Variants in ATG7 observed in about 807,000 individuals in gnomAD.
ATG7 encodes the protein ubiquitin-like modifier-activating enzyme ATG7.
A neutral mutation model predicts 82.4 loss-of-function variants in ATG7; 70 were observed. That is an observed-to-expected ratio of 0.85 (90% CI 0.70 to 1.04). The LOEUF (loss-of-function observed/expected upper bound fraction) is 1.04. Ranked by LOEUF, ATG7 falls within the 50% of genes least tolerant of loss-of-function variation. The probability of loss-of-function intolerance (pLI) is 0.00; values close to 1 mark genes in which losing one functional copy is unlikely to be tolerated. For missense variants in ATG7, 792 were observed against 864.3 expected, an observed-to-expected ratio of 0.92 and a Z score of 1.05; for synonymous variants, 287 against 313.0, an observed-to-expected ratio of 0.92 and a Z score of 0.88.
intron 20 of ATG7, among the ~76,000 whole-genome samples, chr3:11,443,631 C>A (rs2084216320): frequency 6.6e-6 from 1 of 152,184 alleles, no homozygotes; most frequent in Non-Finnish European, 1.5e-5. Flanking sequence ...AAATGATCCA[C>A]CTGCCTCAGC....
chr3:11,373,010 ATTGTTTTGT>A (rs2077142798), intron 18 of ATG7, among the ~76,000 whole-genome samples: 1 of 151,208 alleles, frequency 6.6e-6, no homozygotes, highest in Non-Finnish European at 1.5e-5. Flanking sequence ...AGTATGGGTT[ATTGTTTTGT>A]TTGTTTTGTC....
At chr3:11,281,625 T>TTACC (rs1466869606) in intron 2 of ATG7, among the ~76,000 whole-genome samples, 1 of 151,768 alleles carries the variant, frequency 6.6e-6, no homozygotes, top group Non-Finnish European at 1.5e-5. Context: ...ATACAAAAAA[T>TTACC]TACCTGGGCG....
At chr3:11,345,772 A>AT (rs1282650187) in intron 13 of ATG7, among the ~76,000 whole-genome samples, 2 of 151,452 alleles carry the variant, frequency 1.3e-5, no homozygotes, top group South Asian at 2.1e-4. Context: ...ATCTTTATTA[A>AT]TTTTTTCCTC....
chr3:11,559,405 G>A (rs1213258096), downstream of ATG7: 6 of 1,562,898 alleles, frequency 3.8e-6, no homozygotes, highest in Non-Finnish European at 4.3e-6. Flanking sequence ...AGTGCGAGAG[G>A]TTGCAGTTGC....
chr3:11,406,450 C>A (rs770387191), intron 19 of ATG7, among the ~76,000 whole-genome samples: 5 of 152,020 alleles, frequency 3.3e-5, no homozygotes, highest in Non-Finnish European at 5.9e-5. Flanking sequence ...AGATTACAAG[C>A]ACCTGCTACT....
chr3:11,413,273 C>G (rs896807238), intron 19 of ATG7, among the ~76,000 whole-genome samples: 1 of 152,124 alleles, frequency 6.6e-6, no homozygotes, highest in African/African-American at 2.4e-5. Context: ...TTCCTTCTTT[C>G]ATCACTGTGT....
rs2089494881 is a variant in ATG7, at chr3:11,485,311, A to C, written c.2079+58385A>C. ...AGCCAGTGATGTTGAGCATTTTTTC[A>C]TGTGTTTTTTGGCTGCATAAATGTC... On this transcript the variant is annotated intron_variant, in intron 20 of 20. Transcript: ENST00000693202. Among the ~76,000 whole-genome samples, 3 of 151,964 alleles carry C rather than the reference A, an allele frequency of 2.0e-5. No individual in the cohort carries two copies. The South Asian group carries it at 6.2e-4, about 31-fold the overall frequency.
At chr3:11,281,554 C>G (rs772617598) in intron 2 of ATG7, among the ~76,000 whole-genome samples, 2 of 152,108 alleles carry the variant, frequency 1.3e-5, no homozygotes, top group East Asian at 3.9e-4. Context: ...AGGTGGATCA[C>G]CTGAGGTCAG....
chr3:11,511,669 C>G lies in ATG7; in HGVS notation c.2080-43142C>G, dbSNP rs57425282. Among the ~76,000 whole-genome samples the G allele has an allele frequency of 2.8e-3, 427 of 152,254 alleles. 4 individuals are homozygous for G. The highest frequency in any genetic ancestry group is 3.9e-3 in the Non-Finnish European group (265 of 68,008). On this transcript the variant is annotated intron_variant, in intron 20 of 20. Transcript: ENST00000693202. The stretch of plus-strand genomic sequence containing the variant: ...GGGGTGGTGCTCGTCGGGGAGGCTC[C>G]GGCCGCACAGGAGCCCATGGCGGGG...
chr3:11,475,714 C>T (rs192980260), intron 20 of ATG7, among the ~76,000 whole-genome samples: 28 of 152,244 alleles, frequency 1.8e-4, no homozygotes, highest in African/African-American at 5.3e-4. Flanking sequence ...AAAAATGTCC[C>T]AGTGTCAGAA....
intron 14 of ATG7, 98 bp from the exon 15 acceptor site, chr3:11,358,320 T>G (rs574861442): frequency 9.7e-6 from 12 of 1,237,118 alleles, no homozygotes; most frequent in Non-Finnish European, 1.3e-5. Flanking sequence ...CTCATGTATG[T>G]GAACACAAGT....
In ATG7 at chr3:11,319,518, A is replaced by G. The variant is rs1335728598; in HGVS notation, c.678+4025A>G. Among the ~76,000 whole-genome samples the G allele has an allele frequency of 4.6e-5, 7 of 152,148 alleles. No homozygotes were observed. The East Asian group carries it at 9.6e-4, about 21-fold the overall frequency. On this transcript the variant is annotated intron_variant, in intron 9 of 20. Transcript: ENST00000693202. ...CTTCAACCTGTTTCTCTTCTGGGTT[A>G]TCTCATTGTGCCTACAACTCCAGAA...
At chr3:11,569,057 A>C in the ATG7 span, 1 of 494,716 alleles carries the variant, frequency 2.0e-6, no homozygotes. Flanking sequence ...GAAACCAAGA[A>C]TGTCCATAAC....
chr3:11,277,935 A>T (rs915135052), intron 1 of ATG7, among the ~76,000 whole-genome samples: 1 of 123,692 alleles, frequency 8.1e-6, no homozygotes, highest in African/African-American at 3.0e-5. Context: ...CCAGGGTCTT[A>T]ATTATTAATA....
intron 19 of ATG7, among the ~76,000 whole-genome samples, chr3:11,418,985 C>T (rs1209841052): frequency 6.6e-6 from 1 of 152,014 alleles, no homozygotes; most frequent in African/African-American, 2.4e-5. Context: ...GATCCAGTCA[C>T]CGCCCACCAG....
At chr3:11,347,408 A>T (rs868256779) in intron 13 of ATG7, among the ~76,000 whole-genome samples, 1 of 152,230 alleles carries the variant, frequency 6.6e-6, no homozygotes, top group African/African-American at 2.4e-5. Context: ...ATGTTCTAAA[A>T]TATCATACAG....
At chr3:11,384,180 C>T (rs1210705454) in intron 19 of ATG7, among the ~76,000 whole-genome samples, 1 of 152,192 alleles carries the variant, frequency 6.6e-6, no homozygotes, top group African/African-American at 2.4e-5. Flanking sequence ...TTCAGACCTG[C>T]AGAGTCAGGA....
Position 11,554,961 on chromosome 3 carries a change from G to GGT in ATG7, c.*119_*120dup. On this transcript the variant is annotated 3_prime_UTR_variant, in exon 21 of 21. Transcript: ENST00000693202. ...TCTGGGCCCCTCCTCCATACCCCGA[G>GGT]GTCTGGGATTCCCCCCTCTGCTGCC... The GGT allele has an allele frequency of 7.6e-7, 1 of 1,316,060 alleles. No homozygotes were observed. The highest frequency in any genetic ancestry group is 1.0e-6 in the Non-Finnish European group (1 of 973,518). The allele number at this position is 1,316,060 out of a possible 1,614,324, so 81.5% of individuals were successfully genotyped here.
downstream of ATG7, among the ~76,000 whole-genome samples, chr3:11,561,248 G>A (rs994261502): frequency 6.6e-6 from 1 of 152,188 alleles, no homozygotes; most frequent in Non-Finnish European, 1.5e-5. Context: ...GCACAGGGAG[G>A]GGGAATCAAG....
Sources: allele counts gnomAD v4.1 joint callset (sites outside exome capture counted in the v4.1 genomes callset), GRCh38; gene constraint gnomAD v4.1.1; transcripts MANE v1.5; gene names NCBI Gene and HGNC (gene_info 2026-07-23, HGNC 2026-07-21).